TEF: variants seen among roughly 807,000 people sequenced by gnomAD.
TEF encodes TEF transcription factor, PAR bZIP family member.
Under a neutral mutation model 20.8 loss-of-function variants are expected in TEF, and 3 were observed. That is an observed-to-expected ratio of 0.14 (90% CI 0.07 to 0.37). TEF has a LOEUF of 0.37. TEF is among the 10% of genes least tolerant of loss of function. The pLI is 1.00. For missense variants in TEF, 296 were observed against 397.9 expected, an observed-to-expected ratio of 0.74 and a Z score of 2.18; for synonymous variants, 180 against 171.1, an observed-to-expected ratio of 1.05 and a Z score of -0.41.
intron 1 of TEF, among the ~76,000 whole-genome samples, chr22:41,367,961 C>T (rs1424657875): frequency 6.6e-6 from 1 of 152,074 alleles, no homozygotes. Context: ...GGCAGAGGAG[C>T]GGCAGGGACT....
chr22:41,395,598 C>A, intron 3 of TEF, 147 bp from the exon 4 acceptor site: 2 of 741,086 alleles, frequency 2.7e-6, no homozygotes, highest in South Asian at 1.8e-5. Flanking sequence ...CCTCAATGTG[C>A]CCTGGTTTGT....
At position 41,386,476 on chromosome 22, in the gene TEF, C is replaced by T. The variant is rs148614978; in HGVS notation, c.158-875C>T. Among the ~76,000 whole-genome samples, 1,238 of 151,244 alleles carry T rather than the reference C, an allele frequency of 8.2e-3. 6 individuals carry two copies. Among genetic ancestry groups the T allele is most frequent in the Non-Finnish European group, 0.013 (908 of 67,896 alleles). On this transcript the variant is annotated intron_variant, in intron 1 of 3. Coordinates refer to ENST00000266304, the MANE Select transcript of TEF (RefSeq NM_003216.4). ...ATAAAACAGGCTGGGCGTGGTGGCT[C>T]ATGCCTGTAATCCCAGTACTTTGGG... is the stretch of plus-strand genomic sequence containing the variant.
chr22:41,370,120 C>T (rs1443914009), intron 1 of TEF: 12 of 793,416 alleles, frequency 1.5e-5, no homozygotes, highest in East Asian at 1.3e-4. Context: ...CTCTTTCCCC[C>T]TTTTTTTTTT....
intron 1 of TEF, among the ~76,000 whole-genome samples, chr22:41,384,360 T>C (rs2037070495): frequency 6.6e-6 from 1 of 152,190 alleles, no homozygotes; most frequent in Non-Finnish European, 1.5e-5. Flanking sequence ...TCCACATGTG[T>C]AACTTTGTGA....
intron 2 of TEF, among the ~76,000 whole-genome samples, 170 bp downstream of exon 2, chr22:41,387,838 C>G (rs1005730382): frequency 6.6e-6 from 1 of 152,010 alleles, no homozygotes; most frequent in Non-Finnish European, 1.5e-5. Flanking sequence ...CACAGTTCCC[C>G]GAGGCTGGAG....
upstream of TEF, among the ~76,000 whole-genome samples, chr22:41,381,453 G>C (rs2037020571): frequency 6.6e-6 from 1 of 152,204 alleles, no homozygotes; most frequent in Non-Finnish European, 1.5e-5. Context: ...TGACCCGCGG[G>C]GGGTGGACAC....
rs780582344 is a variant in TEF, at chr22:41,397,305, C to T, written c.*1345C>T. Reference sequence around the variant, plus strand: ...ACAACGACTCCTTTCTCTTGTGTGGCGGGACTCGCCCTTTTGCTGTGCTCA... The same window carrying T: ...ACAACGACTCCTTTCTCTTGTGTGGTGGGACTCGCCCTTTTGCTGTGCTCA... On this transcript the variant is annotated 3_prime_UTR_variant, in exon 4 of 4. Coordinates refer to ENST00000266304, the MANE Select transcript of TEF (RefSeq NM_003216.4). The T allele has an allele frequency of 2.8e-5, 11 of 392,696 alleles. No individual in the cohort carries two copies. Among genetic ancestry groups the T allele is most frequent in the Admixed American group, 8.9e-5 (2 of 22,506 alleles). 24.3% of individuals were successfully genotyped at this position (392,696 alleles called of 1,614,324 possible).
chr22:41,394,442 G>A (rs1386295005), intron 3 of TEF, 126 bp downstream of exon 3: 3 of 933,604 alleles, frequency 3.2e-6, no homozygotes, highest in African/African-American at 1.7e-5. Context: ...AAAGACATGA[G>A]TTTAGTGCTT....
At chr22:41,374,723 AAAAAG>A (rs930578556) in intron 1 of TEF, among the ~76,000 whole-genome samples, 7 of 151,998 alleles carry the variant, frequency 4.6e-5, no homozygotes, top group African/African-American at 1.7e-4. Flanking sequence ...CAAAAAAAAA[AAAAAG>A]AAAAGAAAAT....
At chr22:41,379,362 CCGTACGTGGTG>C (rs2036985602), upstream of TEF, among the ~76,000 whole-genome samples, 1 of 150,974 alleles carries the variant, frequency 6.6e-6, no homozygotes, top group African/African-American at 2.4e-5. Context: ...AAAAAATTAG[CCGTACGTGGTG>C]GTGCACGCCT....
rs1569254725 is a variant in TEF at position 41,382,143 on chromosome 22, G to C, written c.99G>C (p.Gly33=). The change falls in exon 1 of 4, where the codon GGG becomes GGC. Residue 33 remains glycine (G), a synonymous_variant. Transcript: ENST00000266304. ...GRAAGERGLS[G]SFPLVLKKLM... is the part of the protein sequence containing the mutation. ...CAGCTGGGGAAAGGGGCCTGTCGGG[G>C]TCCTTCCCCCTGGTCCTGAAGAAGC... The C allele has an allele frequency of 5.6e-6, 7 of 1,239,724 alleles. No individual in the cohort carries two copies. Among genetic ancestry groups the C allele is most frequent in the Non-Finnish European group, 7.1e-6 (7 of 992,402 alleles). 76.8% of individuals were successfully genotyped at this position (1,239,724 alleles called of 1,614,324 possible).
At chr22:41,395,076 G>A (rs1271968728) in intron 3 of TEF, among the ~76,000 whole-genome samples, 10 of 152,104 alleles carry the variant, frequency 6.6e-5, no homozygotes, top group South Asian at 2.1e-4. Context: ...GCGTGATCTC[G>A]GCTCACTGCA....
intron 3 of TEF, among the ~76,000 whole-genome samples, chr22:41,395,284 G>A (rs981416019): frequency 7.9e-5 from 12 of 152,182 alleles, no homozygotes; most frequent in Non-Finnish European, 1.2e-4. Context: ...GGGATTACAG[G>A]TGTGAGCCAC....
chr22:41,395,180 ATTC>A (rs1385040510), intron 3 of TEF, among the ~76,000 whole-genome samples: 1 of 151,940 alleles, frequency 6.6e-6, no homozygotes, highest in Non-Finnish European at 1.5e-5. Context: ...TAATTTTTGT[ATTC>A]TTAGTAGAGA....
Position 41,396,889 on chromosome 22 carries a change from G to A in TEF, c.*929G>A, listed in dbSNP as rs1010708194. The A allele has an allele frequency of 2.5e-5, 10 of 398,416 alleles. No homozygotes were observed. The highest frequency in any genetic ancestry group is 1.9e-4 in the African/African-American group (9 of 48,594). 24.7% of individuals were successfully genotyped at this position (398,416 alleles called of 1,614,324 possible). ...GGAGGCTTTAACTTCCTGGACCCCA[G>A]GATTCACCTTCCTAGTGGTGTTTAG... On this transcript the variant is annotated 3_prime_UTR_variant, in exon 4 of 4. Coordinates refer to ENST00000266304, the MANE Select transcript of TEF (RefSeq NM_003216.4).
At chr22:41,376,757 C>G (rs187134271) in intron 1 of TEF, among the ~76,000 whole-genome samples, 5 of 152,296 alleles carry the variant, frequency 3.3e-5, no homozygotes, top group African/African-American at 1.2e-4. Flanking sequence ...CCACCCACTC[C>G]ACACTGCACA....
At chr22:41,388,016 G>C (rs1455728860) in intron 2 of TEF, among the ~76,000 whole-genome samples, 3 of 12,346 alleles carry the variant, frequency 2.4e-4, no homozygotes, top group East Asian at 2.2e-3. Context: ...TTTTTTTTTT[G>C]AGAAGGAGTC....
At chr22:41,376,371 G>C (rs981948114) in intron 1 of TEF, among the ~76,000 whole-genome samples, 2 of 152,206 alleles carry the variant, frequency 1.3e-5, no homozygotes, top group African/African-American at 4.8e-5. Context: ...AGAGTAGCTG[G>C]GATTACAGGT....
intron 1 of TEF, among the ~76,000 whole-genome samples, chr22:41,368,166 G>T (rs1313914436): frequency 1.3e-5 from 2 of 152,144 alleles, no homozygotes; most frequent in African/African-American, 4.8e-5. Flanking sequence ...GGAGGGCGTG[G>T]ACTGAGGGGC....
Sources: gnomAD v4.1 joint callset for allele counts (sites outside exome capture counted in the v4.1 genomes callset) on GRCh38, gnomAD v4.1.1 for gene constraint, MANE v1.5 for transcripts, NCBI Gene and HGNC (gene_info 2026-07-23, HGNC 2026-07-21) for gene names.